The following DTNB variants were observed in gnomAD, a reference collection of about 807,000 sequenced individuals.
DTNB encodes the protein DTN-B.
DTNB carries 63 observed loss-of-function variants against 90.7 expected under a neutral mutation model. The ratio of observed to expected loss-of-function variants is 0.69; its 90% CI spans 0.57 to 0.86. The LOEUF (loss-of-function observed/expected upper bound fraction) is 0.86, where lower values mean the gene tolerates loss of function less well. Among genes scored for constraint, DTNB ranks in the 40% least tolerant of loss-of-function variants. The pLI is 0.00. For synonymous variants in DTNB, 277 were observed against 286.7 expected, an observed-to-expected ratio of 0.97 and a Z score of 0.34; for missense variants, 744 against 807.1, an observed-to-expected ratio of 0.92 and a Z score of 0.95.
chr2:25,508,537 G>C (rs1021057648), intron 9 of DTNB, among the ~76,000 whole-genome samples: 3 of 127,632 alleles, frequency 2.4e-5, no homozygotes, highest in Middle Eastern at 3.8e-3. Context: ...TTCGCTCTTT[G>C]TTTTTTATTT....
chr2:25,498,012 A>G (rs2069391700), intron 9 of DTNB, among the ~76,000 whole-genome samples: 1 of 152,016 alleles, frequency 6.6e-6, no homozygotes, highest in Non-Finnish European at 1.5e-5. Context: ...TAGTCTCCCA[A>G]ATTAGAACAA....
intron 9 of DTNB, among the ~76,000 whole-genome samples, chr2:25,512,688 C>T (rs926853941): frequency 3.3e-5 from 5 of 152,128 alleles, no homozygotes; most frequent in African/African-American, 4.8e-5. Context: ...CATGGACATA[C>T]CAGGATTTAA....
intron 2 of DTNB, among the ~76,000 whole-genome samples, chr2:25,640,154 C>A (rs2077942745): frequency 6.6e-6 from 1 of 152,318 alleles, no homozygotes; most frequent in South Asian, 2.1e-4. Flanking sequence ...TAAAATTATA[C>A]ATGAGTCTAT....
chr2:25,482,903 A>C, intron 9 of DTNB, 30 bp from the exon 10 acceptor site: 1 of 1,576,426 alleles, frequency 6.3e-7, no homozygotes, highest in Admixed American at 1.9e-5. Context: ...CCTTATATTA[A>C]TAATGACCAA....
intron 10 of DTNB, among the ~76,000 whole-genome samples, chr2:25,476,333 T>A (rs570148770): frequency 1.3e-5 from 2 of 152,316 alleles, no homozygotes; most frequent in African/African-American, 4.8e-5. Flanking sequence ...CCTCCCAAAG[T>A]GCTGGGGTTA....
chr2:25,520,486 A>G (rs2075957426), intron 9 of DTNB, among the ~76,000 whole-genome samples: 1 of 152,246 alleles, frequency 6.6e-6, no homozygotes, highest in South Asian at 2.1e-4. Flanking sequence ...TCATTTTAAA[A>G]GAAGTGTCAC....
chr2:25,404,770 G>A (rs990084914), intron 16 of DTNB, among the ~76,000 whole-genome samples: 3 of 151,870 alleles, frequency 2.0e-5, no homozygotes, highest in East Asian at 1.9e-4. Context: ...CAGGAGAATC[G>A]CTTGAACCTG....
intron 16 of DTNB, among the ~76,000 whole-genome samples, chr2:25,414,343 G>A (rs1458750216): frequency 1.3e-5 from 2 of 152,088 alleles, no homozygotes; most frequent in Non-Finnish European, 2.9e-5. Flanking sequence ...TGTGAGCTCC[G>A]CCTCCTGGGT....
chr2:25,618,136 C>T (rs890282409), intron 4 of DTNB, among the ~76,000 whole-genome samples: 1 of 152,156 alleles, frequency 6.6e-6, no homozygotes, highest in Non-Finnish European at 1.5e-5. Flanking sequence ...TGAAACCCCT[C>T]AGTCTACTTT....
intron 16 of DTNB, among the ~76,000 whole-genome samples, chr2:25,389,499 G>A (rs990870087): frequency 1.3e-5 from 2 of 152,212 alleles, no homozygotes; most frequent in Non-Finnish European, 2.9e-5. Flanking sequence ...AGAAAGTTTG[G>A]AGCAATGGGA....
At chr2:25,555,494 A>G (rs1368719396) in intron 8 of DTNB, among the ~76,000 whole-genome samples, 4 of 152,180 alleles carry the variant, frequency 2.6e-5, no homozygotes, top group Non-Finnish European at 1.5e-5. Context: ...AAAAAAATCA[A>G]GTAATTTAAA....
chr2:25,382,829 T>TA (rs1366599445), intron 19 of DTNB, among the ~76,000 whole-genome samples: 2 of 152,136 alleles, frequency 1.3e-5, no homozygotes, highest in African/African-American at 4.8e-5. Context: ...ACGTCTGGCC[T>TA]AAATCTCTGC....
chr2:25,600,012 C>T (rs961663772), intron 5 of DTNB, among the ~76,000 whole-genome samples: 11 of 152,156 alleles, frequency 7.2e-5, no homozygotes, highest in Admixed American at 6.5e-4. Flanking sequence ...GGGGGAGGAC[C>T]GCTTGAGTGC....
intron 3 of DTNB, among the ~76,000 whole-genome samples, chr2:25,637,939 G>A (rs1194498752): frequency 1.3e-5 from 2 of 152,148 alleles, no homozygotes; most frequent in African/African-American, 4.8e-5. Flanking sequence ...ATTCACAACA[G>A]CAAAGACTTG....
chr2:25,622,939 A>T (rs1430906942), intron 4 of DTNB, among the ~76,000 whole-genome samples: 1 of 152,242 alleles, frequency 6.6e-6, no homozygotes, highest in Non-Finnish European at 1.5e-5. Flanking sequence ...TAACAGATGG[A>T]ATAAACAGTA....
At chr2:25,458,985 T>A (rs1379547620) in intron 10 of DTNB, among the ~76,000 whole-genome samples, 1 of 152,076 alleles carries the variant, frequency 6.6e-6, no homozygotes, top group East Asian at 1.9e-4. Flanking sequence ...TCTCACTTTG[T>A]TGCCCAGGCT....
At chr2:25,559,155 T>G (rs1408993209) in intron 8 of DTNB, among the ~76,000 whole-genome samples, 1 of 152,158 alleles carries the variant, frequency 6.6e-6, no homozygotes, top group Non-Finnish European at 1.5e-5. Context: ...TCTCACCTGG[T>G]TTTTATTCCT....
intron 16 of DTNB, among the ~76,000 whole-genome samples, chr2:25,413,219 C>T (rs1315488837): frequency 6.6e-6 from 1 of 151,366 alleles, no homozygotes; most frequent in Non-Finnish European, 1.5e-5. Context: ...TTTTCAGATT[C>T]CTTTTTAAAA....
At chr2:25,416,603 T>C (rs1057014348) in intron 16 of DTNB, among the ~76,000 whole-genome samples, 8 of 151,966 alleles carry the variant, frequency 5.3e-5, no homozygotes, top group African/African-American at 1.9e-4. Context: ...GAGGCGGAGG[T>C]TGCAGTGAGC....
Sources: allele counts gnomAD v4.1 joint callset (sites outside exome capture counted in the v4.1 genomes callset), GRCh38; gene constraint gnomAD v4.1.1; transcripts MANE v1.5; gene names NCBI Gene and HGNC (gene_info 2026-07-23, HGNC 2026-07-21).